Variants in GPR137C observed in about 807,000 individuals in gnomAD.
GPR137C encodes integral membrane protein GPR137C.
In GPR137C, 27 loss-of-function variants were observed where a neutral mutation model predicts 43.4. That is an observed-to-expected ratio of 0.62 (90% CI 0.46 to 0.86). GPR137C has a LOEUF of 0.86. Ranked by LOEUF, GPR137C falls within the 40% of genes least tolerant of loss-of-function variation. The pLI is 0.00. For synonymous variants in GPR137C, 285 were observed against 226.9 expected, an observed-to-expected ratio of 1.26 and a Z score of -2.30; for missense variants, 522 against 534.6, an observed-to-expected ratio of 0.98 and a Z score of 0.23.
intron 3 of GPR137C, among the ~76,000 whole-genome samples, chr14:52,628,885 G>A (rs143972202): frequency 1.2e-4 from 18 of 152,256 alleles, no homozygotes; most frequent in South Asian, 4.1e-4. Flanking sequence ...TTTGCGATAC[G>A]TATATCTGAC....
chr14:52,574,646 G>A (rs1166505293), intron 1 of GPR137C, among the ~76,000 whole-genome samples: 2 of 152,136 alleles, frequency 1.3e-5, no homozygotes, highest in East Asian at 3.8e-4. Context: ...AAACCACCAT[G>A]GCACATGTAT....
intron 2 of GPR137C, among the ~76,000 whole-genome samples, chr14:52,599,140 G>A (rs542981276): frequency 5.3e-5 from 8 of 152,188 alleles, no homozygotes; most frequent in Non-Finnish European, 1.2e-4. Flanking sequence ...CGTTCGTGCA[G>A]ATAGTTGTTA....
chr14:52,586,092 A>G (rs1212642513), intron 1 of GPR137C, among the ~76,000 whole-genome samples: 2 of 152,196 alleles, frequency 1.3e-5, no homozygotes, highest in Admixed American at 6.5e-5. Context: ...TTCACCAGGG[A>G]GAGAGAGGGA....
At chr14:52,576,797 C>T (rs564708615) in intron 1 of GPR137C, among the ~76,000 whole-genome samples, 2 of 152,186 alleles carry the variant, frequency 1.3e-5, no homozygotes, top group South Asian at 2.1e-4. Flanking sequence ...GGCCACAAGG[C>T]GAGTCTCAAT....
chr14:52,633,937 G>A lies in GPR137C; in HGVS notation c.1103G>A (p.Arg368Lys), dbSNP rs2039322953. 2 of 1,580,790 alleles carry A rather than the reference G, an allele frequency of 1.3e-6. No individual in the cohort carries two copies. Among genetic ancestry groups the A allele is most frequent in the African/African-American group, 2.7e-5 (2 of 74,238 alleles). ...DDDLPRLGSS[R>K]EGSLPNSQSL... ...GACCTGCCAAGACTGGGAAGTTCAA[G>A]AGAAGGAAGGTAGATGTAACAAAGC... Residue 368 changes from arginine to lysine, a missense_variant, in exon 6 of 7, where the codon AGA (arginine) becomes AAA (lysine). Physicochemically the swap from Arg to Lys is conservative, Grantham distance 26. Transcript: ENST00000321662.
chr14:52,611,062 A>C (rs1210651300), intron 3 of GPR137C, among the ~76,000 whole-genome samples: 1 of 152,202 alleles, frequency 6.6e-6, no homozygotes, highest in Non-Finnish European at 1.5e-5. Context: ...AAATCATTTT[A>C]TAATGCTATC....
chr14:52,621,091 A>G (rs2039155770), intron 3 of GPR137C, among the ~76,000 whole-genome samples: 1 of 151,934 alleles, frequency 6.6e-6, no homozygotes, highest in Non-Finnish European at 1.5e-5. Context: ...ATAAATATGA[A>G]GAAAATTTTG....
chr14:52,620,524 G>C (rs1275832097), intron 3 of GPR137C, among the ~76,000 whole-genome samples: 1 of 151,586 alleles, frequency 6.6e-6, no homozygotes, highest in Admixed American at 6.6e-5. Flanking sequence ...ACAATGTCCA[G>C]GTCAAGGTTA....
At chr14:52,610,804 A>G (rs1291208283) in intron 3 of GPR137C, among the ~76,000 whole-genome samples, 1 of 152,230 alleles carries the variant, frequency 6.6e-6, no homozygotes, top group Non-Finnish European at 1.5e-5. Flanking sequence ...ATCAAGAGCA[A>G]ATTGAACCAA....
At chr14:52,583,180 A>AAT (rs1398440910) in intron 1 of GPR137C, among the ~76,000 whole-genome samples, 1 of 152,182 alleles carries the variant, frequency 6.6e-6, no homozygotes, top group Non-Finnish European at 1.5e-5. Flanking sequence ...ACCATTCTGA[A>AAT]CTTAAAAAAA....
chr14:52,594,619 A>G (rs1271685166), intron 1 of GPR137C, among the ~76,000 whole-genome samples: 4 of 152,054 alleles, frequency 2.6e-5, no homozygotes, highest in African/African-American at 7.3e-5. Context: ...AGTCTGTTTT[A>G]TCAGAGACTA....
At chr14:52,611,990 C>G (rs1029253607) in intron 3 of GPR137C, 5 of 985,120 alleles carry the variant, frequency 5.1e-6, no homozygotes, top group Admixed American at 6.1e-5. Flanking sequence ...CTTTCATTAC[C>G]CATTTGGCAG....
At chr14:52,564,134 G>T (rs755568505) in intron 1 of GPR137C, among the ~76,000 whole-genome samples, 1 of 152,090 alleles carries the variant, frequency 6.6e-6, no homozygotes, top group African/African-American at 2.4e-5. Context: ...AATTAGCTGG[G>T]TGTGGTGGCA....
chr14:52,586,417 T>C (rs1170697502), intron 1 of GPR137C, among the ~76,000 whole-genome samples: 1 of 152,248 alleles, frequency 6.6e-6, no homozygotes, highest in African/African-American at 2.4e-5. Context: ...AACTATTCTC[T>C]GCAAGGTACC....
intron 3 of GPR137C, among the ~76,000 whole-genome samples, chr14:52,625,532 CTTTTTTTTTTTTTTTTTTTT>C (rs770278309): frequency 1.9e-4 from 7 of 36,082 alleles, no homozygotes; most frequent in South Asian, 1.1e-3. Flanking sequence ...AAGAACACAT[CTTTTTTTTTTTTTTTTTTTT>C]TTTTTTTTTT....
intron 3 of GPR137C, among the ~76,000 whole-genome samples, chr14:52,627,877 G>A (rs1007894): frequency 0.11 from 16,483 of 152,014 alleles, 974 homozygotes; most frequent in South Asian, 0.18. Context: ...AAAAAATAAA[G>A]TAGTGCTTTC....
At chr14:52,571,275 T>A (rs924999363) in intron 1 of GPR137C, among the ~76,000 whole-genome samples, 1 of 152,160 alleles carries the variant, frequency 6.6e-6, no homozygotes, top group African/African-American at 2.4e-5. Context: ...GTGAATAAGT[T>A]CTTTGAAACC....
At position 52,635,722 on chromosome 14, in the gene GPR137C, T is replaced by C. The variant is rs973971875; in HGVS notation, c.*607T>C. On this transcript the variant is annotated 3_prime_UTR_variant, in exon 7 of 7. Transcript: ENST00000321662. ...AATGATGGTAGTAATCCATTAGTTA[T>C]GGCCAGCAGTGTTCTTTGGAGAGCC... The C allele has an allele frequency of 2.6e-5, 4 of 152,152 alleles. No individual in the cohort carries two copies. Among genetic ancestry groups the C allele is most frequent in the African/African-American group, 9.6e-5 (4 of 41,454 alleles). 9.4% of individuals were successfully genotyped at this position (152,152 alleles called of 1,614,324 possible).
chr14:52,584,482 C>T (rs2038687348), intron 1 of GPR137C, among the ~76,000 whole-genome samples: 1 of 152,100 alleles, frequency 6.6e-6, no homozygotes, highest in African/African-American at 2.4e-5. Flanking sequence ...TGTAAGGTTA[C>T]GGTGACTTTT....
Sources: allele counts gnomAD v4.1 joint callset (sites outside exome capture counted in the v4.1 genomes callset), GRCh38; gene constraint gnomAD v4.1.1; transcripts MANE v1.5; gene names NCBI Gene and HGNC (gene_info 2026-07-23, HGNC 2026-07-21).